The following TMEM117 variants were observed in gnomAD, a reference collection of about 807,000 sequenced individuals.
The protein encoded by TMEM117 is transmembrane protein 117.
TMEM117 carries 27 observed loss-of-function variants against 52.4 expected under a neutral mutation model. The observed-to-expected ratio is 0.51, with a 90% CI of 0.38 to 0.71. The LOEUF (loss-of-function observed/expected upper bound fraction) is 0.71. Ranked by LOEUF, TMEM117 falls within the 30% of genes least tolerant of loss-of-function variation. The pLI, the probability that TMEM117 is intolerant of heterozygous loss-of-function variation, is 0.00. For synonymous variants in TMEM117, 215 were observed against 206.3 expected, an observed-to-expected ratio of 1.04 and a Z score of -0.36; for missense variants, 556 against 630.5, an observed-to-expected ratio of 0.88 and a Z score of 1.26.
At chr12:44,303,937 C>T (rs1950873149) in intron 6 of TMEM117, among the ~76,000 whole-genome samples, 1 of 152,096 alleles carries the variant, frequency 6.6e-6, no homozygotes, top group Non-Finnish European at 1.5e-5. Context: ...AAAAGTGGGA[C>T]AAATGGAGCA....
the TMEM117 span, chr12:43,804,682 C>T: frequency 5.8e-5 from 37 of 641,480 alleles, no homozygotes; most frequent in Non-Finnish European, 7.7e-5. Flanking sequence ...GAGCATGTAG[C>T]ATCCTTATTA....
intron 2 of TMEM117, among the ~76,000 whole-genome samples, chr12:43,906,845 A>G (rs1487614434): frequency 6.6e-6 from 1 of 152,152 alleles, no homozygotes; most frequent in African/African-American, 2.4e-5. Flanking sequence ...GGAGGGTCCT[A>G]CCCCCACGGA....
intron 3 of TMEM117, among the ~76,000 whole-genome samples, chr12:44,042,156 C>T (rs1270528190): frequency 6.6e-6 from 1 of 152,178 alleles, no homozygotes; most frequent in East Asian, 1.9e-4. Context: ...TTTCAAGATA[C>T]AAGATCAGTG....
chr12:43,929,615 T>G (rs1277604991), intron 2 of TMEM117, among the ~76,000 whole-genome samples: 8 of 152,158 alleles, frequency 5.3e-5, no homozygotes, highest in Non-Finnish European at 1.0e-4. Context: ...AAAACCACCA[T>G]GACAGTCAGG....
At chr12:44,225,040 C>T (rs565282345) in intron 5 of TMEM117, among the ~76,000 whole-genome samples, 25 of 152,194 alleles carry the variant, frequency 1.6e-4, no homozygotes, top group South Asian at 8.3e-4. Context: ...TTCATACTTG[C>T]AGTCTTGATG....
intron 6 of TMEM117, among the ~76,000 whole-genome samples, chr12:44,348,700 T>C (rs1951523829): frequency 6.6e-6 from 1 of 151,972 alleles, no homozygotes; most frequent in Non-Finnish European, 1.5e-5. Flanking sequence ...CATTTGTGGG[T>C]TTTGTCTTTA....
intron 3 of TMEM117, among the ~76,000 whole-genome samples, chr12:44,093,708 A>G (rs1947711279): frequency 6.6e-6 from 1 of 151,980 alleles, no homozygotes; most frequent in Non-Finnish European, 1.5e-5. Flanking sequence ...ATATTTACTC[A>G]TTACTTTTTC....
At position 44,067,764 on chromosome 12, in the gene TMEM117, A is replaced by G. The variant is rs184168501; in HGVS notation, c.411-75761A>G. On this transcript the variant is annotated intron_variant, in intron 3 of 7. Transcript: ENST00000266534. ...GGCTCAAGGATTTTTGAAATGGTAA[A>G]TGAGCATTGGTTTCAACCCAAAGTC... is the stretch of plus-strand genomic sequence containing the variant. 3.4e-3 allele frequency among the ~76,000 whole-genome samples: 518 copies of G among 152,300 alleles called. 1 individual carries two copies. The highest frequency in any genetic ancestry group is 6.8e-3 in the Middle Eastern group (2 of 294).
At chr12:44,222,034 T>C (rs1039614846) in intron 5 of TMEM117, among the ~76,000 whole-genome samples, 9 of 152,126 alleles carry the variant, frequency 5.9e-5, no homozygotes, top group Admixed American at 3.9e-4. Flanking sequence ...TTGACTTCTT[T>C]ACCTTACTTT....
intron 4 of TMEM117, among the ~76,000 whole-genome samples, chr12:44,188,362 T>A (rs192002364): frequency 1.3e-5 from 2 of 152,232 alleles, no homozygotes; most frequent in Admixed American, 1.3e-4. Flanking sequence ...TACATCTTAT[T>A]GCTTAACTGT....
the TMEM117 span, among the ~76,000 whole-genome samples, chr12:43,801,952 C>A: frequency 2.0e-5 from 3 of 152,144 alleles, no homozygotes; most frequent in East Asian, 5.8e-4. Flanking sequence ...ATCACTTGAG[C>A]CTGGGAGGCA....
chr12:43,803,058 C>A, the TMEM117 span, among the ~76,000 whole-genome samples: 1 of 152,102 alleles, frequency 6.6e-6, no homozygotes, highest in Non-Finnish European at 1.5e-5. Flanking sequence ...GTGTTCACTG[C>A]AGCACTATAC....
At chr12:44,009,365 C>A in intron 3 of TMEM117, 1 of 209,192 alleles carries the variant, frequency 4.8e-6, no homozygotes. Context: ...ATTACAACAT[C>A]ATAAAGTCTT....
chr12:43,967,950 GT>G (rs1945513422), intron 3 of TMEM117, among the ~76,000 whole-genome samples: 1 of 152,180 alleles, frequency 6.6e-6, no homozygotes, highest in Non-Finnish European at 1.5e-5. Context: ...AAGGATAAGA[GT>G]TTTTCCTATG....
chr12:43,828,658 T>C, the TMEM117 span, among the ~76,000 whole-genome samples: 1 of 152,258 alleles, frequency 6.6e-6, no homozygotes, highest in African/African-American at 2.4e-5. Flanking sequence ...ACTTCCATTT[T>C]ATCCTCCTCT....
the TMEM117 span, among the ~76,000 whole-genome samples, chr12:43,830,205 G>A: frequency 6.6e-6 from 1 of 152,046 alleles, no homozygotes; most frequent in South Asian, 2.1e-4. Context: ...CTGCAGGACA[G>A]CCCTGTGTAT....
intron 3 of TMEM117, among the ~76,000 whole-genome samples, chr12:43,987,894 G>T (rs1467380803): frequency 6.6e-6 from 1 of 152,008 alleles, no homozygotes; most frequent in Non-Finnish European, 1.5e-5. Context: ...TTCTATATTT[G>T]TCAGGAAAAC....
At chr12:44,355,669 G>A (rs1347993929) in intron 6 of TMEM117, among the ~76,000 whole-genome samples, 1 of 152,048 alleles carries the variant, frequency 6.6e-6, no homozygotes, top group Non-Finnish European at 1.5e-5. Context: ...GTAGGCTTGA[G>A]TGTGTTGATG....
At chr12:44,006,773 G>A (rs1258322330) in intron 3 of TMEM117, among the ~76,000 whole-genome samples, 1 of 152,074 alleles carries the variant, frequency 6.6e-6, no homozygotes, top group African/African-American at 2.4e-5. Context: ...TATTCACTAT[G>A]TGTAAGTCTT....
Sources: gnomAD v4.1 joint callset for allele counts (sites outside exome capture counted in the v4.1 genomes callset) on GRCh38, gnomAD v4.1.1 for gene constraint, MANE v1.5 for transcripts, NCBI Gene and HGNC (gene_info 2026-07-23, HGNC 2026-07-21) for gene names.